Variants in KMT2D observed in about 807,000 individuals in gnomAD.
KMT2D encodes histone-lysine N-methyltransferase 2D.
KMT2D carries 55 observed loss-of-function variants against 512.7 expected under a neutral mutation model. That is an observed-to-expected ratio of 0.11 (90% CI 0.09 to 0.13). The LOEUF is 0.13. KMT2D is among the 10% of genes least tolerant of loss of function. KMT2D has a pLI of 1.00. For synonymous variants in KMT2D, 2,995 were observed against 2,904.0 expected (o/e 1.03, Z -1.01); for missense variants, 6,061 against 7,127.9 (o/e 0.85, Z 5.39).
chr12:49,041,744 G>C lies in KMT2D; in HGVS notation c.6184-39C>G, dbSNP rs151242939. ...GACACAGCCTTAGGGCCTAGTGCTT[G>C]GTCTCATGCCCCGCCCCCATACTGT... On this transcript the variant is annotated intron_variant, in intron 30 of 54. Transcript: ENST00000301067. The surrounding 1 kb of genome is among the most constrained non-coding windows in gnomAD (Gnocchi z 5.4). 6.3e-7 allele frequency: 1 copy of C among 1,589,660 alleles called. No individual in the cohort carries two copies. Among genetic ancestry groups the C allele is most frequent in the South Asian group, 1.1e-5 (1 of 88,306 alleles).
At position 49,031,605 on chromosome 12, in the gene KMT2D, T is replaced by C. The variant is rs1475888359; in HGVS notation, c.13100A>G (p.Asp4367Gly). The C allele has an allele frequency of 1.3e-6, 2 of 1,599,672 alleles. No individual in the cohort carries two copies. The highest frequency in any genetic ancestry group is 3.5e-5 in the Admixed American group (2 of 57,098). Residue 4367 changes from aspartate (D) to glycine (G), a missense_variant, in exon 40 of 55, where the codon GAT (aspartate) becomes GGT (glycine). Asp to Gly is a moderately conservative substitution (Grantham distance 94). Transcript: ENST00000301067. ...RVSPAAAQLA[D>G]TLFSKGLGPW... is the part of the protein sequence containing the mutation. ...TCCCAGACCCTTGCTAAACAAGGTA[T>C]CTGCAAGCTGGGCAGCAGCAGGTGA...
rs1942876978 is a variant in KMT2D, at chr12:49,030,967, C to G, written c.13597G>C (p.Val4533Leu). The change falls in exon 41 of 55, where the codon GTG becomes CTG. Residue 4533 changes from valine to leucine, a missense_variant. By Grantham distance (32) the Val-to-Leu change is conservative (BLOSUM62 1). Transcript: ENST00000301067. ...KRVQKASDRL[V>L]SSRKKLRKED... is the part of the protein sequence containing the mutation. ...TTCCGCAGCTTCTTTCGGGAGCTCA[C>G]CAACCTGTCGCTTGCCTTCTGTACC... The G allele has an allele frequency of 1.2e-6, 2 of 1,613,866 alleles. No individual in the cohort carries two copies. Among genetic ancestry groups the G allele is most frequent in the African/African-American group, 2.7e-5 (2 of 74,924 alleles).
In KMT2D at chr12:49,050,692, C is replaced by T. The variant is rs1404330252; in HGVS notation, c.2896G>A (p.Asp966Asn). 3 of 1,613,582 alleles carry T rather than the reference C, an allele frequency of 1.9e-6. No homozygotes were observed. The highest frequency in any genetic ancestry group is 2.5e-6 in the Non-Finnish European group (3 of 1,179,758). ...GCCAACGGTGACTCAGGGTCACTGT[C>T]CCCTTTGGCACCAAAGGGGTACTCT... ...ELEYPFGAKG[D>N]SDPESPLAAP... Residue 966 changes from aspartate (D) to asparagine (N), a missense_variant, in exon 12 of 55, where the codon GAC (aspartate) becomes AAC (asparagine). Transcript: ENST00000301067.
In KMT2D at chr12:49,050,122, C is replaced by T. The variant is rs1333730892; in HGVS notation, c.3466G>A (p.Asp1156Asn). ...SELKGSPVLL[D>N]PEELAPVTPM... ...GTCACAGGGGCCAGCTCCTCGGGGT[C>T]CAGGAGCACAGGGGAGCCTTTAAGT... Residue 1156 changes from aspartate to asparagine, a missense_variant, in exon 12 of 55, where the codon GAC becomes AAC. Transcript: ENST00000301067. 3 of 1,613,410 alleles carry T rather than the reference C, an allele frequency of 1.9e-6. No homozygotes were observed. Among genetic ancestry groups the T allele is most frequent in the Non-Finnish European group, 2.5e-6 (3 of 1,179,680 alleles).
rs199895011 is a variant in KMT2D at position 49,031,792 on chromosome 12, C to T, written c.12913G>A (p.Val4305Ile). Residue 4305 changes from valine (V) to isoleucine (I), a missense_variant, in exon 40 of 55, where the codon GTC (valine) becomes ATC (isoleucine). Coordinates refer to ENST00000301067, the MANE Select transcript of KMT2D (RefSeq NM_003482.4). Reference protein sequence around the residue: ...ALSTGPVLGPVHPTPPPSSPQ... With the variant: ...ALSTGPVLGPIHPTPPPSSPQ... ...CTGGATGGTGGAGGTGTGGGATGGA[C>T]AGGGCCAAGGACTGGTCCTGTAGAT... 5,234 of 1,606,354 alleles carry T rather than the reference C, an allele frequency of 3.3e-3. 9 individuals carry two copies. The highest frequency in any genetic ancestry group is 4.1e-3 in the Non-Finnish European group (4,872 of 1,175,894).
At position 49,032,689 on chromosome 12, in the gene KMT2D, G is replaced by A; in HGVS notation, c.12016C>T (p.Leu4006Phe). ...ALGPGMPAKP[L>F]QHFSSPGALG... ...GCTCCAGGGCTAGAAAAGTGTTGAA[G>A]AGGCTTTGCTGGCATGCCAGGGCCA... Residue 4006 changes from leucine to phenylalanine, a missense_variant, in exon 40 of 55, where the codon CTT becomes TTT. Physicochemically the swap from Leu to Phe is conservative, Grantham distance 22. Transcript: ENST00000301067. 4 of 1,613,572 alleles carry A rather than the reference G, an allele frequency of 2.5e-6. No homozygotes were observed. The highest frequency in any genetic ancestry group is 2.5e-6 in the Non-Finnish European group (3 of 1,179,738).
chr12:49,036,994 TATG>T, intron 35 of KMT2D, 128 bp downstream of exon 35: 1 of 1,176,372 alleles, frequency 8.5e-7, no homozygotes, highest in Non-Finnish European at 1.2e-6. Context: ...CTACCACTAG[TATG>T]ATATTTAGCC....
At chr12:49,035,098 C>G (rs1174313764) in intron 35 of KMT2D, among the ~76,000 whole-genome samples, 163 bp from the exon 36 acceptor site, 1 of 152,162 alleles carries the variant, frequency 6.6e-6, no homozygotes, top group Non-Finnish European at 1.5e-5. Context: ...GGTGAATCAG[C>G]TCTATTCACA....
rs1346972850 is a variant in KMT2D, at chr12:49,029,243, A to G, written c.14076-7T>C. Reference sequence around the variant, plus strand: ...ATCCTCATCACTCTCCATCCTGGGGACCAAAAGTAGACATTTGTTGCTACA... The same window carrying G: ...ATCCTCATCACTCTCCATCCTGGGGGCCAAAAGTAGACATTTGTTGCTACA... On this transcript the variant is annotated splice_polypyrimidine_tract_variant and splice_region_variant and intron_variant, in intron 44 of 54. Coordinates refer to ENST00000301067, the MANE Select transcript of KMT2D (RefSeq NM_003482.4). 1.2e-6 allele frequency: 2 copies of G among 1,608,886 alleles called. No individual in the cohort carries two copies. Among genetic ancestry groups the G allele is most frequent in the Admixed American group, 1.7e-5 (1 of 59,924 alleles).
At position 49,026,715 on chromosome 12, in the gene KMT2D, A is replaced by C. The variant is rs1270323409; in HGVS notation, c.15251T>G (p.Leu5084Arg). The C allele has an allele frequency of 9.3e-6, 15 of 1,613,884 alleles. No individual in the cohort carries two copies. In the Admixed American group the frequency reaches 2.5e-4, roughly 27 times the overall value. The stretch of plus-strand genomic sequence containing the variant: ...GCACTTGGTTAGCAGTCCTCGGTGC[A>C]GGGCAACCTCCACATTCATCAGTGC... Reference protein sequence around the residue: ...GGALMNVEVALHRGLLTKCSL... With the variant: ...GGALMNVEVARHRGLLTKCSL... Residue 5084 changes from leucine (L) to arginine (R), a missense_variant, in exon 49 of 55, where the codon CTG becomes CGG. By Grantham distance (102) the Leu-to-Arg change is moderately radical. Coordinates refer to ENST00000301067, the MANE Select transcript of KMT2D (RefSeq NM_003482.4). The surrounding 1 kb of genome is among the most constrained non-coding windows in gnomAD (Gnocchi z 9.6).
Position 49,052,346 on chromosome 12 carries a change from T to A in KMT2D, c.1337A>T (p.Glu446Val), listed in dbSNP as rs527825717. Residue 446 changes from glutamate (E) to valine (V), a missense_variant, in exon 11 of 55, where the codon GAG becomes GTG. This residue lies in a region of KMT2D where 848 missense variants were observed against 838.5 expected (regional missense o/e 1.01). Coordinates refer to ENST00000301067, the MANE Select transcript of KMT2D (RefSeq NM_003482.4). ...CTCAGGTGGTGGGGACAGGGGTGAC[T>A]CCTCAGGTGGGGGCAGCAGTGGCAT... ...EEMPLLPPPE[E>V]SPLSPPPEES... is the part of the protein sequence containing the mutation. 1 of 1,554,892 alleles carries A rather than the reference T, an allele frequency of 6.4e-7. No homozygotes were observed. The highest frequency in any genetic ancestry group is 8.7e-7 in the Non-Finnish European group (1 of 1,148,958).
In KMT2D at chr12:49,046,277, C is replaced by A. The variant is rs761690311; in HGVS notation, c.4566G>T (p.Gln1522His). The A allele has an allele frequency of 1.9e-6, 3 of 1,614,012 alleles. No individual in the cohort carries two copies. The highest frequency in any genetic ancestry group is 3.3e-4 in the Middle Eastern group (2 of 6,062). Reference sequence around the variant, plus strand: ...GTTCTCACCGTTCACAGTGGCGGCACTGGATTAGTAGGTCCTCTTCTACGT... The same window carrying A: ...GTTCTCACCGTTCACAGTGGCGGCAATGGATTAGTAGGTCCTCTTCTACGT... ...APYVEEDLLI[Q>H]CRHCERWMHA... Residue 1522 changes from glutamine to histidine, a missense_variant, in exon 17 of 55, where the codon CAG (glutamine) becomes CAT (histidine). Gln to His is a conservative substitution (Grantham distance 24). Transcript: ENST00000301067. This position sits in a 1 kb window ranked among gnomAD's most constrained non-coding sequence, Gnocchi z 4.2.
In KMT2D at chr12:49,053,055, C is replaced by T. The variant is rs550197466; in HGVS notation, c.972G>A (p.Arg324=). The T allele has an allele frequency of 6.2e-7, 1 of 1,613,990 alleles. No individual in the cohort carries two copies. Among genetic ancestry groups the T allele is most frequent in the East Asian group, 2.2e-5 (1 of 44,896 alleles). ...GTTCTGCTGAGCCCGCCCCACAGGCCCGGCACACCCGGCACGCCTAAGGGA... is the reference window on the plus strand; with the variant it reads ...GTTCTGCTGAGCCCGCCCCACAGGCTCGGCACACCCGGCACGCCTAAGGGA... The part of the protein sequence containing the change: ...SWKCKACRVC[R]ACGAGSAELN... The change falls in exon 9 of 55, where the codon CGG becomes CGA. Residue 324 remains arginine (R), a synonymous_variant. Coordinates refer to ENST00000301067, the MANE Select transcript of KMT2D (RefSeq NM_003482.4).
chr12:49,030,563 A>T (rs2120405036), intron 42 of KMT2D, 38 bp downstream of exon 42: 1 of 1,531,606 alleles, frequency 6.5e-7, no homozygotes, highest in Non-Finnish European at 8.8e-7. Context: ...CTTCCCAAGA[A>T]CTTCACTATT....
chr12:49,053,874 A>G lies in KMT2D; in HGVS notation c.673+104T>C, dbSNP rs1056027174. 3.1e-6 allele frequency: 4 copies of G among 1,303,810 alleles called. No homozygotes were observed. In the African/African-American group the frequency reaches 5.9e-5, roughly 19 times the overall value. The allele number at this position is 1,303,810 out of a possible 1,614,324, so 80.8% of individuals were successfully genotyped here. A position where few individuals can be genotyped will look rare whatever the true frequency, so the allele number is the denominator to read the frequency against. The stretch of plus-strand genomic sequence containing the variant: ...ACACCTATTTTAGTGGGGCAGACCA[A>G]CAGTAAATAATGCTATACTTTGATC... On this transcript the variant is annotated intron_variant, in intron 6 of 54. Transcript: ENST00000301067.
intron 40 of KMT2D, 33 bp downstream of exon 40, chr12:49,031,142 C>G (rs1455902984): frequency 6.2e-7 from 1 of 1,607,674 alleles, no homozygotes; most frequent in African/African-American, 1.3e-5. Flanking sequence ...CTAGGACCCA[C>G]TCTACCTGCT....
rs192570943 is a variant in KMT2D, at chr12:49,038,212, G to A, written c.9144C>T (p.Asp3048=). ...GCTCAGGATCAGTATATGCCAGCAG[G>A]TCAAACTCGTCTCCATTGAGCAGGT... The part of the protein sequence containing the change: ...LDDLLNGDEF[D]LLAYTDPELD... The change falls in exon 35 of 55, where the codon GAC becomes GAT. Residue 3048 remains aspartate (D), a synonymous_variant. Transcript: ENST00000301067. The surrounding 1 kb of genome is among the most constrained non-coding windows in gnomAD (Gnocchi z 5.7). 1.2e-6 allele frequency: 2 copies of A among 1,613,846 alleles called. No homozygotes were observed. The highest frequency in any genetic ancestry group is 1.1e-5 in the South Asian group (1 of 91,086).
chr12:49,052,629 C>T lies in KMT2D; in HGVS notation c.1193G>A (p.Gly398Asp), dbSNP rs374523376. The stretch of plus-strand genomic sequence containing the variant: ...GGGTTGCATAGAGGTCACGTGCCCA[C>T]CCTTTGGCTGCCCTTGGCATGCAAC... ...LYVACQGQPK[G>D]GHVTSMQPKE... Residue 398 changes from glycine to aspartate, a missense_variant, in exon 10 of 55, where the codon GGT becomes GAT. Physicochemically the swap from Gly to Asp is moderately conservative, Grantham distance 94 (BLOSUM62 -1). Coordinates refer to ENST00000301067, the MANE Select transcript of KMT2D (RefSeq NM_003482.4). 25 of 1,613,584 alleles carry T rather than the reference C, an allele frequency of 1.5e-5. No homozygotes were observed. In the African/African-American group the frequency reaches 3.1e-4, roughly 20 times the overall value.
In KMT2D at chr12:49,046,042, C is replaced by G. The variant is rs764887302; in HGVS notation, c.4693+23G>C. 1 of 1,611,692 alleles carries G rather than the reference C, an allele frequency of 6.2e-7. No homozygotes were observed. Among genetic ancestry groups the G allele is most frequent in the Non-Finnish European group, 8.5e-7 (1 of 1,178,600 alleles). On this transcript the variant is annotated intron_variant, in intron 18 of 54. Coordinates refer to ENST00000301067, the MANE Select transcript of KMT2D (RefSeq NM_003482.4). This position sits in a 1 kb window ranked among gnomAD's most constrained non-coding sequence, Gnocchi z 4.2. ...AGGTACCCCTGCTCTGACTCCTCCC[C>G]CTACCCAGCAGCTGGTACTCACCCA... is the stretch of plus-strand genomic sequence containing the variant.
Sources: gnomAD v4.1 joint callset for allele counts (sites outside exome capture counted in the v4.1 genomes callset) on GRCh38, gnomAD v4.1.1 for gene constraint, gnomAD v4.1.1 regional missense constraint, Gnocchi (gnomAD v3.1) non-coding constraint, MANE v1.5 for transcripts, NCBI Gene and HGNC (gene_info 2026-07-23, HGNC 2026-07-21) for gene names.